CHST11: variants seen among roughly 807,000 people sequenced by gnomAD.
CHST11 encodes the protein carbohydrate sulfotransferase 11, also known as C4S-1.
In CHST11, 9 loss-of-function variants were observed where a neutral mutation model predicts 30.4. The ratio of observed to expected loss-of-function variants is 0.30; its 90% CI spans 0.18 to 0.52. The LOEUF is 0.52. Ranked by LOEUF, CHST11 falls within the 20% of genes least tolerant of loss-of-function variation. The pLI, the probability that CHST11 is intolerant of heterozygous loss-of-function variation, is 0.97. For missense variants in CHST11, 348 were observed against 460.6 expected, an observed-to-expected ratio of 0.76 and a Z score of 2.24; for synonymous variants, 152 against 187.8, an observed-to-expected ratio of 0.81 and a Z score of 1.56.
At chr12:104,609,308 T>C (rs1451156071) in intron 2 of CHST11, among the ~76,000 whole-genome samples, 3 of 152,246 alleles carry the variant, frequency 2.0e-5, no homozygotes, top group African/African-American at 7.2e-5. Flanking sequence ...ACTGCCAGCC[T>C]GGCAGCTGGC....
In CHST11 at chr12:104,586,789, T is replaced by C. The variant is rs1422712382; in HGVS notation, c.119-15117T>C. ...ATGCAAAGTAAACGTATAAGGCTTA[T>C]AATTACTCATTTGAAGTGTGTAAAA... On this transcript the variant is annotated intron_variant, in intron 1 of 2. Coordinates refer to ENST00000303694, the MANE Select transcript of CHST11 (RefSeq NM_018413.6). 2.6e-5 allele frequency among the ~76,000 whole-genome samples: 4 copies of C among 152,258 alleles called. No individual in the cohort carries two copies. In the East Asian group the frequency reaches 7.7e-4, roughly 29 times the overall value.
intron 2 of CHST11, among the ~76,000 whole-genome samples, chr12:104,644,251 C>T (rs907139673): frequency 4.5e-4 from 68 of 152,286 alleles, no homozygotes; most frequent in African/African-American, 1.6e-3. Flanking sequence ...CCTACCTTCC[C>T]TGCATCTGGG....
In CHST11 at chr12:104,743,004, G is replaced by A. The variant is rs1039666604; in HGVS notation, c.205-13945G>A. ...CACCAGAAGATGAGGTGGGGGCTGC[G>A]GGTTTAGGCACAGGAAGCCCACGAG... On this transcript the variant is annotated intron_variant, in intron 2 of 2. Transcript: ENST00000303694. 5.3e-5 allele frequency among the ~76,000 whole-genome samples: 8 copies of A among 152,344 alleles called. No individual in the cohort carries two copies. The East Asian group carries it at 1.4e-3, about 26-fold the overall frequency.
intron 2 of CHST11, among the ~76,000 whole-genome samples, chr12:104,616,869 G>T (rs1207302989): frequency 2.6e-5 from 4 of 152,208 alleles, no homozygotes; most frequent in Admixed American, 2.6e-4. Context: ...AGTAGGTTAG[G>T]TCACAAAGGA....
At chr12:104,488,463 ATG>A (rs1165376559) in intron 1 of CHST11, among the ~76,000 whole-genome samples, 16 of 147,490 alleles carry the variant, frequency 1.1e-4, no homozygotes, top group African/African-American at 3.3e-4. Flanking sequence ...ATATGCATGT[ATG>A]TGTGTATGCA....
chr12:104,705,608 G>A (rs2040025727), intron 2 of CHST11, among the ~76,000 whole-genome samples: 1 of 152,204 alleles, frequency 6.6e-6, no homozygotes. Flanking sequence ...AGTCCGGAAG[G>A]TAAGGGCTGC....
chr12:104,733,277 A>G (rs11112179), intron 2 of CHST11, among the ~76,000 whole-genome samples: 17,252 of 152,306 alleles, frequency 0.11, 1,045 homozygotes, highest in East Asian at 0.13. Flanking sequence ...CAGATCCCAC[A>G]GGGAAAAGAC....
At chr12:104,664,528 C>T (rs2039625482) in intron 2 of CHST11, among the ~76,000 whole-genome samples, 1 of 152,152 alleles carries the variant, frequency 6.6e-6, no homozygotes, top group African/African-American at 2.4e-5. Flanking sequence ...TCACTGGATG[C>T]CAGCAACAGT....
rs1021179042 is a variant in CHST11, at chr12:104,574,992, G to T, written c.119-26914G>T. ...GAATCATTTGAGTTCACTAGTTCAA[G>T]ACCAGCCTGGCCAACATGATGAAAC... On this transcript the variant is annotated intron_variant, in intron 1 of 2. Coordinates refer to ENST00000303694, the MANE Select transcript of CHST11 (RefSeq NM_018413.6). Among the ~76,000 whole-genome samples, 29 of 152,054 alleles carry T rather than the reference G, an allele frequency of 1.9e-4. 1 individual carries two copies. The highest frequency in any genetic ancestry group is 1.3e-4 in the Admixed American group (2 of 15,256).
intron 1 of CHST11, among the ~76,000 whole-genome samples, chr12:104,477,281 A>C (rs1426100158): frequency 2.0e-5 from 3 of 152,192 alleles, no homozygotes; most frequent in Non-Finnish European, 4.4e-5. Context: ...GGTGGGACTC[A>C]GAGAAGTTTT....
chr12:104,627,020 A>T (rs2039222471), intron 2 of CHST11, among the ~76,000 whole-genome samples: 2 of 151,912 alleles, frequency 1.3e-5, no homozygotes, highest in South Asian at 4.2e-4. Context: ...CCCCCCAAGC[A>T]CTGGCAACCC....
rs138231535 is a variant in CHST11, at chr12:104,605,456, A to G, written c.204+3465A>G. Among the ~76,000 whole-genome samples, 896 of 152,248 alleles carry G rather than the reference A, an allele frequency of 5.9e-3. 8 individuals are homozygous for G. The highest frequency in any genetic ancestry group is 0.019 in the African/African-American group (802 of 41,534). On this transcript the variant is annotated intron_variant, in intron 2 of 2. Transcript: ENST00000303694. ...TCTATGGGCGTGGTGGCGGGCGCCT[A>G]CAGTCCCAGCTTCTCCGGAGGCTGA...
intron 2 of CHST11, among the ~76,000 whole-genome samples, chr12:104,709,925 G>A (rs764156777): frequency 5.9e-5 from 9 of 152,206 alleles, no homozygotes; most frequent in Non-Finnish European, 2.9e-5. Context: ...AGCTGGGCAT[G>A]GTGGCTCATG....
intron 2 of CHST11, among the ~76,000 whole-genome samples, chr12:104,678,141 T>C (rs1252343362): frequency 6.6e-6 from 1 of 152,262 alleles, no homozygotes; most frequent in Non-Finnish European, 1.5e-5. Context: ...TCATCACCTC[T>C]AGAATTTAAC....
intron 1 of CHST11, among the ~76,000 whole-genome samples, chr12:104,513,030 G>A (rs1210060040): frequency 6.6e-6 from 1 of 151,166 alleles, no homozygotes; most frequent in East Asian, 2.0e-4. Flanking sequence ...GGTTTGTATG[G>A]CCATTTCCCT....
At chr12:104,696,466 G>A (rs151086302) in intron 2 of CHST11, among the ~76,000 whole-genome samples, 18 of 99,880 alleles carry the variant, frequency 1.8e-4, no homozygotes, top group Admixed American at 2.9e-4. Context: ...GTGAAACCCC[G>A]ACTCTGCTAA....
At chr12:104,581,203 G>T (rs1244203215) in intron 1 of CHST11, among the ~76,000 whole-genome samples, 1 of 152,140 alleles carries the variant, frequency 6.6e-6, no homozygotes, top group Non-Finnish European at 1.5e-5. Context: ...TGATCCCAAG[G>T]GTGTTGGCCT....
chr12:104,491,089 T>C (rs999648059), intron 1 of CHST11, among the ~76,000 whole-genome samples: 3 of 151,996 alleles, frequency 2.0e-5, no homozygotes, highest in African/African-American at 7.3e-5. Flanking sequence ...CATCCACTTA[T>C]CTGTTAACAA....
At chr12:104,462,005 A>C (rs1403326408) in intron 1 of CHST11, among the ~76,000 whole-genome samples, 1 of 151,898 alleles carries the variant, frequency 6.6e-6, no homozygotes, top group Non-Finnish European at 1.5e-5. Context: ...CTCTACTAAA[A>C]ATACAAAAAA....
Sources: allele counts gnomAD v4.1 joint callset (sites outside exome capture counted in the v4.1 genomes callset), GRCh38; gene constraint gnomAD v4.1.1; transcripts MANE v1.5; gene names NCBI Gene and HGNC (gene_info 2026-07-23, HGNC 2026-07-21).